Variants in PAX7 observed in about 807,000 individuals in gnomAD.
PAX7 encodes paired box 7, also known as paired box protein Pax-7.
Under a neutral mutation model 50.7 loss-of-function variants are expected in PAX7, and 18 were observed. The observed-to-expected ratio is 0.36, with a 90% confidence interval of 0.25 to 0.53. The LOEUF (loss-of-function observed/expected upper bound fraction) is 0.53. PAX7 is among the 20% of genes least tolerant of loss of function. The probability of loss-of-function intolerance (pLI) is 0.93; values close to 1 mark genes in which losing one functional copy is unlikely to be tolerated. For synonymous variants in PAX7, 310 were observed against 290.4 expected (o/e 1.07, Z -0.69); for missense variants, 644 against 702.9 (o/e 0.92, Z 0.95).
chr1:18,714,795 C>T lies in PAX7; in HGVS notation c.1155+11499C>T, dbSNP rs9439683. Among the ~76,000 whole-genome samples the T allele has an allele frequency of 2.6e-3, 403 of 152,370 alleles. 2 individuals are homozygous for T. The highest frequency in any genetic ancestry group is 9.1e-3 in the African/African-American group (377 of 41,592). Reference sequence around the variant, plus strand: ...TACATCCGCACCTCCTTCCTGCCTCCTGAGAAGCCTAGCAGGCCCGGGTTT... The same window carrying T: ...TACATCCGCACCTCCTTCCTGCCTCTTGAGAAGCCTAGCAGGCCCGGGTTT... On this transcript the variant is annotated intron_variant, in intron 7 of 8. Coordinates refer to ENST00000420770, the MANE Select transcript of PAX7 (RefSeq NM_001135254.2).
At chr1:18,739,166 G>T (rs1397993191) in intron 8 of PAX7, among the ~76,000 whole-genome samples, 1 of 152,218 alleles carries the variant, frequency 6.6e-6, no homozygotes, top group Non-Finnish European at 1.5e-5. Context: ...TCCCCAGGTT[G>T]CAGGTGCAAA....
rs2088069111 is a variant in PAX7 at position 18,632,399 on chromosome 1, T to G, written c.85+711T>G. Among the ~76,000 whole-genome samples the G allele has an allele frequency of 1.3e-5, 2 of 152,130 alleles. No individual in the cohort carries two copies. Among genetic ancestry groups the G allele is most frequent in the South Asian group, 4.1e-4 (2 of 4,830 alleles). ...CCAAACGAGAAGAAAGAGCTGATTT[T>G]GTAAAGCGTCCTTCCTAAACATCCA... On this transcript the variant is annotated intron_variant, in intron 1 of 8. Transcript: ENST00000420770. The surrounding 1 kb of genome is among the most constrained non-coding windows in gnomAD (Gnocchi z 6.3).
chr1:18,637,456 T>C (rs533917007), intron 4 of PAX7, among the ~76,000 whole-genome samples: 1 of 152,272 alleles, frequency 6.6e-6, no homozygotes, highest in South Asian at 2.1e-4. Context: ...ACAGTGGCCA[T>C]GGGAACCCGC....
At position 18,634,572 on chromosome 1, in the gene PAX7, CTTCCT is replaced by C. The variant is rs774810207; in HGVS notation, c.321+35_321+39del. ...CTTTGCCACAGAGGCTGGCAGCTGG[CTTCCT>C]ATAGTCGGGGGCTCCTGGTTGTGGC... On this transcript the variant is annotated intron_variant, in intron 2 of 8. Coordinates refer to ENST00000420770, the MANE Select transcript of PAX7 (RefSeq NM_001135254.2). The surrounding 1 kb of genome is among the most constrained non-coding windows in gnomAD (Gnocchi z 4.0). The C allele has an allele frequency of 1.8e-5, 29 of 1,587,228 alleles. No homozygotes were observed. Among genetic ancestry groups the C allele is most frequent in the Admixed American group, 1.2e-4 (7 of 59,744 alleles).
chr1:18,687,790 C>T (rs546994031), intron 4 of PAX7, among the ~76,000 whole-genome samples: 12 of 152,224 alleles, frequency 7.9e-5, no homozygotes, highest in Non-Finnish European at 1.6e-4. Flanking sequence ...CAGATCCTTT[C>T]GGACAAGAGA....
chr1:18,654,325 AG>A (rs1238467862), intron 4 of PAX7, among the ~76,000 whole-genome samples: 1 of 152,244 alleles, frequency 6.6e-6, no homozygotes, highest in African/African-American at 2.4e-5. Context: ...GGAGAGTTAA[AG>A]AAGGGGAGGG....
chr1:18,697,615 C>T (rs1344380933), intron 5 of PAX7, among the ~76,000 whole-genome samples: 1 of 152,134 alleles, frequency 6.6e-6, no homozygotes, highest in Non-Finnish European at 1.5e-5. Context: ...CTGCTGTCAA[C>T]CATCCTGTTA....
chr1:18,691,645 T>C, intron 4 of PAX7, 109 bp from the exon 5 acceptor site: 1 of 868,550 alleles, frequency 1.2e-6, no homozygotes, highest in South Asian at 1.7e-5. Context: ...CGAAGTGCAG[T>C]CATGGGTCCT....
rs919646172 is a variant in PAX7 at position 18,700,290 on chromosome 1, C to T, written c.787-363C>T. ...AGGAGGTGGTCAAGCAGGGCACCAG[C>T]ATCCCTCCAGGAAGGAGCAGCTGCA... On this transcript the variant is annotated intron_variant, in intron 5 of 8. Transcript: ENST00000420770. This position sits in a 1 kb window ranked among gnomAD's most constrained non-coding sequence, Gnocchi z 4.8. Among the ~76,000 whole-genome samples, 66 of 152,206 alleles carry T rather than the reference C, an allele frequency of 4.3e-4. No homozygotes were observed. The highest frequency in any genetic ancestry group is 1.5e-3 in the African/African-American group (63 of 41,540).
At chr1:18,647,701 A>G (rs987709625) in intron 4 of PAX7, among the ~76,000 whole-genome samples, 5 of 152,142 alleles carry the variant, frequency 3.3e-5, no homozygotes, top group Non-Finnish European at 5.9e-5. Context: ...GGCTGGAGAA[A>G]TATCACTCCC....
chr1:18,666,034 C>T (rs1326409113), intron 4 of PAX7, among the ~76,000 whole-genome samples: 2 of 152,142 alleles, frequency 1.3e-5, no homozygotes, highest in Non-Finnish European at 2.9e-5. Flanking sequence ...AGAGGCTGGG[C>T]ATTGTGGCTC....
At chr1:18,706,337 C>T (rs1280202417) in intron 7 of PAX7, among the ~76,000 whole-genome samples, 1 of 152,188 alleles carries the variant, frequency 6.6e-6, no homozygotes, top group Non-Finnish European at 1.5e-5. Context: ...AGCTTCCCCG[C>T]TGGGCTGTGG....
rs1368566227 is a variant in PAX7, at chr1:18,635,098, T to C, written c.322-13T>C. ...ATCTTTCCACTCCTACTCTCCCACC[T>C]CCACCTCTGAAGCAGGTGGCGACTC... On this transcript the variant is annotated splice_polypyrimidine_tract_variant and intron_variant, in intron 2 of 8. Coordinates refer to ENST00000420770, the MANE Select transcript of PAX7 (RefSeq NM_001135254.2). The C allele has an allele frequency of 1.9e-6, 3 of 1,612,678 alleles. No homozygotes were observed. The African/African-American group carries it at 4.0e-5, about 22-fold the overall frequency.
chr1:18,664,002 G>A (rs1280325651), intron 4 of PAX7, among the ~76,000 whole-genome samples: 3 of 152,206 alleles, frequency 2.0e-5, no homozygotes, highest in Non-Finnish European at 4.4e-5. Flanking sequence ...CCACCCACTG[G>A]CCTTAATAAA....
At chr1:18,725,009 G>A (rs2089540450) in intron 7 of PAX7, among the ~76,000 whole-genome samples, 1 of 152,204 alleles carries the variant, frequency 6.6e-6, no homozygotes, top group Non-Finnish European at 1.5e-5. Flanking sequence ...TAGGTGATGG[G>A]CACATAGTAG....
At chr1:18,698,694 C>A (rs911947693) in intron 5 of PAX7, among the ~76,000 whole-genome samples, 1 of 152,200 alleles carries the variant, frequency 6.6e-6, no homozygotes. Context: ...CAGGGTGCCC[C>A]GGGGAAACCC....
intron 4 of PAX7, among the ~76,000 whole-genome samples, chr1:18,644,601 T>C (rs1476593314): frequency 6.6e-6 from 1 of 152,110 alleles, no homozygotes; most frequent in African/African-American, 2.4e-5. Flanking sequence ...ATCTGCGTGC[T>C]TCCTGATGAC....
chr1:18,725,360 C>T (rs982359917), intron 7 of PAX7, among the ~76,000 whole-genome samples: 22 of 151,822 alleles, frequency 1.4e-4, no homozygotes, highest in African/African-American at 5.1e-4. Flanking sequence ...CCCAGACGTC[C>T]TCCTTTTCCA....
intron 4 of PAX7, among the ~76,000 whole-genome samples, chr1:18,651,702 C>A (rs1006674836): frequency 1.1e-4 from 16 of 152,094 alleles, no homozygotes; most frequent in African/African-American, 3.9e-4. Flanking sequence ...CAGGGTCCCC[C>A]AAAGGTTAAG....
Sources: allele counts gnomAD v4.1 joint callset (sites outside exome capture counted in the v4.1 genomes callset), GRCh38; gene constraint gnomAD v4.1.1; non-coding constraint Gnocchi (gnomAD v3.1); transcripts MANE v1.5; gene names NCBI Gene and HGNC (gene_info 2026-07-23, HGNC 2026-07-21).